MAPK10: variants seen among roughly 807,000 people sequenced by gnomAD.
MAPK10 encodes JNK3 alpha protein kinase.
Under a neutral mutation model 59.3 loss-of-function variants are expected in MAPK10, and 25 were observed. The ratio of observed to expected loss-of-function variants is 0.42; its 90% CI spans 0.31 to 0.59. The LOEUF (loss-of-function observed/expected upper bound fraction) is 0.59, where lower values mean the gene tolerates loss of function less well. MAPK10 is among the 20% of genes least tolerant of loss of function. MAPK10 has a pLI of 0.15. For missense variants in MAPK10, 351 were observed against 568.9 expected (o/e 0.62, Z 3.90); for synonymous variants, 190 against 200.5 (o/e 0.95, Z 0.44).
intron 2 of MAPK10, 49 bp from the exon 3 acceptor site, chr4:86,194,456 A>G: frequency 9.6e-7 from 1 of 1,042,760 alleles, no homozygotes; most frequent in African/African-American, 1.6e-5. Context: ...CTAGTTTTTC[A>G]TTATATAACA....
intron 4 of MAPK10, among the ~76,000 whole-genome samples, chr4:86,110,442 A>ATGGC (rs1185381205): frequency 2.6e-5 from 4 of 152,310 alleles, no homozygotes; most frequent in African/African-American, 9.6e-5. Context: ...TTTTCTGCAT[A>ATGGC]TGGCTGGTCA....
intron 1 of MAPK10, among the ~76,000 whole-genome samples, chr4:86,390,504 C>A (rs139029697): frequency 6.6e-6 from 1 of 152,158 alleles, no homozygotes; most frequent in Non-Finnish European, 1.5e-5. Flanking sequence ...GTAGGGGCTT[C>A]CATGAGAGCA....
At chr4:86,042,643 A>G (rs1005736712) in intron 11 of MAPK10, among the ~76,000 whole-genome samples, 2 of 152,184 alleles carry the variant, frequency 1.3e-5, no homozygotes, top group Non-Finnish European at 2.9e-5. Flanking sequence ...TGTTATAACT[A>G]TAAGATGTTT....
At chr4:86,585,117 T>G (rs1252426319) in intron 1 of MAPK10, among the ~76,000 whole-genome samples, 1 of 152,172 alleles carries the variant, frequency 6.6e-6, no homozygotes, top group Non-Finnish European at 1.5e-5. Flanking sequence ...AGTATATTCT[T>G]TGATTAAAGG....
intron 9 of MAPK10, among the ~76,000 whole-genome samples, chr4:86,087,057 G>A (rs2052038727): frequency 2.0e-5 from 3 of 152,118 alleles, no homozygotes; most frequent in Middle Eastern, 6.8e-3. Flanking sequence ...CACATTACCC[G>A]AGCCCTAAAG....
At chr4:86,450,097 A>ATAATAAATG (rs1181755934) in intron 1 of MAPK10, among the ~76,000 whole-genome samples, 1 of 152,242 alleles carries the variant, frequency 6.6e-6, no homozygotes, top group African/African-American at 2.4e-5. Context: ...AAACGATGAG[A>ATAATAAATG]TAATAAATGT....
At chr4:86,529,593 G>C (rs1256239215) in intron 1 of MAPK10, among the ~76,000 whole-genome samples, 1 of 151,812 alleles carries the variant, frequency 6.6e-6, no homozygotes, top group African/African-American at 2.4e-5. Context: ...TTATTTGCTC[G>C]AGCTCCCCTC....
At position 86,016,909 on chromosome 4, in the gene MAPK10, T is replaced by G. The variant is rs1743548877; in HGVS notation, c.*319A>C. On this transcript the variant is annotated 3_prime_UTR_variant, in exon 14 of 14. Transcript: ENST00000641462. Reference sequence around the variant, plus strand: ...TAAAAGGGCAGTTACAGGTTGCCGGTTTTGCAGCCATTAAAATTACACTTT... The same window carrying G: ...TAAAAGGGCAGTTACAGGTTGCCGGGTTTGCAGCCATTAAAATTACACTTT... 17 of 238,138 alleles carry G rather than the reference T, an allele frequency of 7.1e-5. 1 individual carries two copies. In the South Asian group the frequency reaches 1.0e-3, roughly 14 times the overall value. The allele number at this position is 238,138 out of a possible 1,614,324, so 14.8% of individuals were successfully genotyped here. A position where few individuals can be genotyped will look rare whatever the true frequency, so the allele number is the denominator to read the frequency against.
At chr4:86,081,603 C>T (rs1350127924) in intron 9 of MAPK10, 1 of 151,974 alleles carries the variant, frequency 6.6e-6, no homozygotes, top group Admixed American at 6.6e-5. Flanking sequence ...GGAAAAGATC[C>T]TTAGCCTCCC....
At chr4:86,301,540 ATC>A (rs2095473175) in intron 2 of MAPK10, among the ~76,000 whole-genome samples, 1 of 152,178 alleles carries the variant, frequency 6.6e-6, no homozygotes, top group Non-Finnish European at 1.5e-5. Context: ...ATGATCTATT[ATC>A]CTCTTTAATG....
At chr4:86,277,275 C>G (rs2094610623) in intron 2 of MAPK10, 1 of 151,996 alleles carries the variant, frequency 6.6e-6, no homozygotes, top group Non-Finnish European at 1.5e-5. Flanking sequence ...TTAATTTTGC[C>G]TTTTGCTCCC....
At chr4:86,495,254 C>A (rs1051196662) in intron 1 of MAPK10, among the ~76,000 whole-genome samples, 3 of 152,048 alleles carry the variant, frequency 2.0e-5, no homozygotes, top group Admixed American at 6.5e-5. Flanking sequence ...GTACTATAAC[C>A]AATTTATTGG....
At chr4:86,330,927 T>C (rs754804445) in intron 2 of MAPK10, among the ~76,000 whole-genome samples, 35 of 152,174 alleles carry the variant, frequency 2.3e-4, no homozygotes, top group Non-Finnish European at 4.1e-4. Flanking sequence ...TACAAAAAGA[T>C]TGTGTGTAAA....
intron 9 of MAPK10, among the ~76,000 whole-genome samples, chr4:86,070,260 C>A (rs892044987): frequency 9.9e-5 from 15 of 151,938 alleles, no homozygotes; most frequent in African/African-American, 3.1e-4. Flanking sequence ...TGTATATCTA[C>A]ATATGGTAAG....
rs182041115 is a variant in MAPK10, at chr4:86,435,419, T to C, written c.-122+17611A>G. Among the ~76,000 whole-genome samples the C allele has an allele frequency of 6.0e-3, 911 of 151,750 alleles. 7 individuals carry two copies. Among genetic ancestry groups the C allele is most frequent in the African/African-American group, 0.02 (815 of 41,336 alleles). On this transcript the variant is annotated intron_variant, in intron 1 of 13. Transcript: ENST00000361569. Reference sequence around the variant, plus strand: ...GGCTGAGACAGTATAATTGCTTAAATCCAGGAGGCAGAGGTTGCAGTGAGC... The same window carrying C: ...GGCTGAGACAGTATAATTGCTTAAACCCAGGAGGCAGAGGTTGCAGTGAGC...
intron 12 of MAPK10, 24 bp downstream of exon 12, chr4:86,031,344 T>C (rs373323477): frequency 6.0e-5 from 92 of 1,526,962 alleles, no homozygotes; most frequent in Admixed American, 6.7e-5. Flanking sequence ...ATAAAAAGTA[T>C]ACTTTTTTAA....
At chr4:86,350,614 G>C (rs1376097004) in intron 2 of MAPK10, among the ~76,000 whole-genome samples, 1 of 152,156 alleles carries the variant, frequency 6.6e-6, no homozygotes, top group African/African-American at 2.4e-5. Context: ...CTCCCAAAGT[G>C]CTGGGATTAC....
At chr4:86,573,863 A>C (rs531637167) in intron 1 of MAPK10, among the ~76,000 whole-genome samples, 28 of 152,254 alleles carry the variant, frequency 1.8e-4, no homozygotes, top group African/African-American at 6.3e-4. Context: ...TTTAAATGTC[A>C]ATTTCTAATT....
At chr4:86,550,831 A>G (rs1413188517) in intron 1 of MAPK10, among the ~76,000 whole-genome samples, 4 of 152,162 alleles carry the variant, frequency 2.6e-5, no homozygotes, top group Admixed American at 2.6e-4. Flanking sequence ...GTGTTGGTCC[A>G]CCTTCTAGGC....
Sources: allele counts gnomAD v4.1 joint callset (sites outside exome capture counted in the v4.1 genomes callset), GRCh38; gene constraint gnomAD v4.1.1; transcripts MANE v1.5; gene names NCBI Gene and HGNC (gene_info 2026-07-23, HGNC 2026-07-21).